The following DNAH5 variants were observed in gnomAD, a reference collection of about 807,000 sequenced individuals.
DNAH5 encodes dynein axonemal heavy chain 5, also known as axonemal beta dynein heavy chain 5.
A neutral mutation model predicts 518.2 loss-of-function variants in DNAH5; 372 were observed. That is an observed-to-expected ratio of 0.72 (90% CI 0.66 to 0.78). The LOEUF is 0.78. Ranked by LOEUF, DNAH5 falls within the 30% of genes least tolerant of loss-of-function variation. DNAH5 has a pLI of 0.00. For missense variants in DNAH5, 5,523 were observed against 5,687.0 expected (o/e 0.97, Z 0.93); for synonymous variants, 2,039 against 2,025.9 (o/e 1.01, Z -0.17).
chr5:13,881,217 C>T (rs950887566), intron 21 of DNAH5, among the ~76,000 whole-genome samples: 2 of 151,576 alleles, frequency 1.3e-5, no homozygotes, highest in African/African-American at 4.8e-5. Context: ...ATTTTAGTAC[C>T]CTACTTTCAT....
intron 1 of DNAH5, among the ~76,000 whole-genome samples, chr5:13,996,765 A>AG (rs1233592164): frequency 1.3e-5 from 2 of 152,208 alleles, no homozygotes; most frequent in African/African-American, 4.8e-5. Flanking sequence ...TCACGGTTGG[A>AG]GTCTTGTGCC....
rs572864218 is a variant in DNAH5, at chr5:13,796,300, A to C, written c.7888-2242T>G. Among the ~76,000 whole-genome samples the C allele has an allele frequency of 1.1e-4, 16 of 152,250 alleles. 1 individual carries two copies. In the South Asian group the frequency reaches 2.9e-3, roughly 28 times the overall value. ...TGACATGGTTGTATATTTAGAAAAC[A>C]CCATTGTCTCAGCCCAAAATCTCCT... On this transcript the variant is annotated intron_variant, in intron 47 of 78. Coordinates refer to ENST00000265104, the MANE Select transcript of DNAH5 (RefSeq NM_001369.3).
rs765298305 is a variant in DNAH5 at position 13,829,546 on chromosome 5, C to T, written c.6408G>A (p.Thr2136=). The change falls in exon 38 of 79, where the codon ACG becomes ACA. Residue 2136 remains threonine (T), a synonymous_variant. Coordinates refer to ENST00000265104, the MANE Select transcript of DNAH5 (RefSeq NM_001369.3). ...DNVVLARKFF[T]LYKLCEEQLS... ...GCTGCTCCTCACACAGTTTGTAGAG[C>T]GTGAAAAACTTCCTGGCCAAAACAA... is the stretch of plus-strand genomic sequence containing the variant. The T allele has an allele frequency of 5.6e-6, 9 of 1,614,146 alleles. No homozygotes were observed. Among genetic ancestry groups the T allele is most frequent in the Non-Finnish European group, 7.6e-6 (9 of 1,180,020 alleles).
chr5:13,919,534 G>A lies in DNAH5; in HGVS notation c.799-182C>T, dbSNP rs182250068. 461 of 631,104 alleles carry A rather than the reference G, an allele frequency of 7.3e-4. 1 individual carries two copies. The African/African-American group carries it at 7.8e-3, about 11-fold the overall frequency. The allele number at this position is 631,104 out of a possible 1,614,324, so 39.1% of individuals were successfully genotyped here. A position where few individuals can be genotyped will look rare whatever the true frequency, so the allele number is the denominator to read the frequency against. On this transcript the variant is annotated intron_variant, in intron 6 of 78. Coordinates refer to ENST00000265104, the MANE Select transcript of DNAH5 (RefSeq NM_001369.3). ...ATGCATCCATTTTTAAAACTTCAAC[G>A]AAAATCTCTTTGAATTGTTTTAACT...
rs957215165 is a variant in DNAH5, at chr5:13,911,478, T to C, written c.1552A>G (p.Ile518Val). The change falls in exon 12 of 79, where the codon ATA (isoleucine) becomes GTA (valine). Residue 518 changes from isoleucine (I) to valine (V), a missense_variant. Ile to Val is a conservative substitution (Grantham distance 29). Transcript: ENST00000265104. ...ATKYQGIVAT[I>V]KKKEYNFLDQ... is the part of the protein sequence containing the mutation. ...AGGAAATTGTATTCCTTTTTCTTTA[T>C]GGTTGCCACAATGCCCTGAAATATT... 6.2e-7 allele frequency: 1 copy of C among 1,613,698 alleles called. No individual in the cohort carries two copies.
chr5:13,820,280 G>A, intron 41 of DNAH5, 66 bp downstream of exon 41: 1 of 1,537,800 alleles, frequency 6.5e-7, no homozygotes, highest in Non-Finnish European at 8.9e-7. Flanking sequence ...ATCCCTCTTG[G>A]GCATTCAAAT....
chr5:13,835,862 G>A (rs995384126), intron 35 of DNAH5, among the ~76,000 whole-genome samples: 7 of 151,976 alleles, frequency 4.6e-5, no homozygotes, highest in African/African-American at 9.7e-5. Flanking sequence ...TTATCTAATC[G>A]GCACAAGGCA....
At position 13,690,335 on chromosome 5, in the gene DNAH5, A is replaced by G. The variant is rs1439105699; in HGVS notation, c.*1649T>C. ...ACAATTATGAATGAGGCATTTAGTAAAAACATTTTATTAATTCCTATGATG... is the reference window on the plus strand; with the variant it reads ...ACAATTATGAATGAGGCATTTAGTAGAAACATTTTATTAATTCCTATGATG... On this transcript the variant is annotated 3_prime_UTR_variant, in exon 79 of 79. Coordinates refer to ENST00000265104, the MANE Select transcript of DNAH5 (RefSeq NM_001369.3). The G allele has an allele frequency of 1.3e-5, 2 of 152,230 alleles. No homozygotes were observed. Among genetic ancestry groups the G allele is most frequent in the Non-Finnish European group, 2.9e-5 (2 of 68,032 alleles). The allele number at this position is 152,230 out of a possible 1,614,324, so 9.4% of individuals were successfully genotyped here.
chr5:13,866,161 G>A (rs1769211851), intron 26 of DNAH5, 59 bp downstream of exon 26: 4 of 1,499,336 alleles, frequency 2.7e-6, no homozygotes, highest in Admixed American at 1.7e-5. Context: ...AAACATATGT[G>A]TGTTTAAAAC....
At chr5:13,988,440 C>T (rs1420847755) in intron 1 of DNAH5, among the ~76,000 whole-genome samples, 1 of 150,492 alleles carries the variant, frequency 6.6e-6, no homozygotes, top group African/African-American at 2.5e-5. Context: ...TTCTTTGAGA[C>T]AGAGTCTGGC....
intron 43 of DNAH5, among the ~76,000 whole-genome samples, chr5:13,812,754 A>G (rs1402569585): frequency 6.6e-6 from 1 of 152,244 alleles, no homozygotes; most frequent in African/African-American, 2.4e-5. Flanking sequence ...CCTAGTATTA[A>G]GAAACTGCAT....
intron 1 of DNAH5, among the ~76,000 whole-genome samples, chr5:13,990,425 C>T (rs1262321140): frequency 2.0e-5 from 3 of 151,886 alleles, no homozygotes; most frequent in South Asian, 2.1e-4. Context: ...TGGTGGCGGG[C>T]GCCTATAGTC....
At chr5:13,761,461 T>C (rs1580106857) in intron 60 of DNAH5, among the ~76,000 whole-genome samples, 1 of 151,806 alleles carries the variant, frequency 6.6e-6, no homozygotes, top group African/African-American at 2.4e-5. Flanking sequence ...GGCATGGTGG[T>C]GGGCGCCTGT....
chr5:13,875,993 T>C (rs1309041935), intron 22 of DNAH5, among the ~76,000 whole-genome samples: 1 of 152,190 alleles, frequency 6.6e-6, no homozygotes. Context: ...CCTTAAACAC[T>C]GGGAAACATT....
intron 76 of DNAH5, among the ~76,000 whole-genome samples, chr5:13,705,147 A>T (rs1742613603): frequency 6.6e-6 from 1 of 152,078 alleles, no homozygotes. Context: ...GCATGCTGCC[A>T]CACCCAGCTA....
At chr5:13,708,896 C>A in intron 75 of DNAH5, among the ~76,000 whole-genome samples, 1 of 152,224 alleles carries the variant, frequency 6.6e-6, no homozygotes. Context: ...GTAGCACTGA[C>A]AAATTCAGCA....
intron 47 of DNAH5, among the ~76,000 whole-genome samples, chr5:13,801,870 G>C (rs903234168): frequency 1.3e-5 from 2 of 152,044 alleles, no homozygotes; most frequent in African/African-American, 4.8e-5. Context: ...CACATAGACT[G>C]TGAAGTGATG....
At chr5:13,703,642 C>T (rs1233992736) in intron 76 of DNAH5, among the ~76,000 whole-genome samples, 2 of 152,128 alleles carry the variant, frequency 1.3e-5, no homozygotes, top group African/African-American at 4.8e-5. Flanking sequence ...TTTTGTCATC[C>T]TCAAACAGTA....
intron 29 of DNAH5, among the ~76,000 whole-genome samples, chr5:13,861,225 T>C (rs1232959048): frequency 1.3e-5 from 2 of 152,214 alleles, no homozygotes; most frequent in East Asian, 3.8e-4. Flanking sequence ...TGCCTGTCTA[T>C]CCTTTATTCT....
Sources: allele counts gnomAD v4.1 joint callset (sites outside exome capture counted in the v4.1 genomes callset), GRCh38; gene constraint gnomAD v4.1.1; transcripts MANE v1.5; gene names NCBI Gene and HGNC (gene_info 2026-07-23, HGNC 2026-07-21).